AMN1: variants seen among roughly 807,000 people sequenced by gnomAD.
AMN1 encodes antagonist of mitotic exit network 1 homolog, also known as protein AMN1 homolog.
In AMN1, 20 loss-of-function variants were observed where a neutral mutation model predicts 33.0. That is an observed-to-expected ratio of 0.61 (90% CI 0.43 to 0.88). The LOEUF is 0.88. AMN1 is among the 40% of genes least tolerant of loss of function. AMN1 has a pLI of 0.00. For missense variants in AMN1, 246 were observed against 307.4 expected, an observed-to-expected ratio of 0.80 and a Z score of 1.49; for synonymous variants, 114 against 111.9, an observed-to-expected ratio of 1.02 and a Z score of -0.12.
chr12:31,683,103 C>T lies in AMN1; in HGVS notation c.703+5904G>A, dbSNP rs1239781037. On this transcript the variant is annotated intron_variant, in intron 6 of 6. Transcript: ENST00000281471. This position sits in a 1 kb window ranked among gnomAD's most constrained non-coding sequence, Gnocchi z 4.1. ...TCAGCCATCAGAGTAGCTGGGATTA[C>T]AGGCGTGCGCCACCATGCCCAGCTA... 6.6e-6 allele frequency among the ~76,000 whole-genome samples: 1 copy of T among 151,938 alleles called. No individual in the cohort carries two copies. The highest frequency in any genetic ancestry group is 1.9e-4 in the East Asian group (1 of 5,174).
At chr12:31,705,086 C>T (rs1250835179) in intron 2 of AMN1, among the ~76,000 whole-genome samples, 1 of 152,058 alleles carries the variant, frequency 6.6e-6, no homozygotes, top group Non-Finnish European at 1.5e-5. Flanking sequence ...TGTTCAAATG[C>T]AAGCTAACAT....
intron 6 of AMN1, among the ~76,000 whole-genome samples, chr12:31,674,960 T>G (rs549586567): frequency 6.6e-6 from 1 of 151,156 alleles, no homozygotes; most frequent in Admixed American, 6.6e-5. Context: ...AGGCAGAGAT[T>G]GCAGTGAGCT....
At chr12:31,729,155 C>T (rs544824735), upstream of AMN1, 2 of 860,528 alleles carry the variant, frequency 2.3e-6, no homozygotes, top group Admixed American at 5.7e-5. Context: ...GGCCACGCTT[C>T]GGACTCCACA....
At chr12:31,699,162 G>A (rs530096690) in intron 3 of AMN1, among the ~76,000 whole-genome samples, 1 of 151,836 alleles carries the variant, frequency 6.6e-6, no homozygotes, top group Non-Finnish European at 1.5e-5. Flanking sequence ...AGGCCGAGGC[G>A]GGCAGATTAC....
intron 2 of AMN1, among the ~76,000 whole-genome samples, chr12:31,703,591 C>T (rs918055552): frequency 1.3e-5 from 2 of 152,132 alleles, no homozygotes; most frequent in East Asian, 1.9e-4. Context: ...AGGATAACGG[C>T]CTCCAGCTGC....
chr12:31,673,634 T>G (rs1951327633), intron 6 of AMN1: 1 of 440,608 alleles, frequency 2.3e-6, no homozygotes, highest in Admixed American at 2.5e-5. Context: ...GAGGCCAGTG[T>G]TACCCTGATA....
intron 3 of AMN1, among the ~76,000 whole-genome samples, chr12:31,698,942 G>A (rs1219343112): frequency 6.6e-6 from 1 of 152,062 alleles, no homozygotes; most frequent in East Asian, 1.9e-4. Context: ...AAGCTAATGA[G>A]GTGACAGCAT....
chr12:31,697,541 C>A, intron 4 of AMN1, 124 bp from the exon 5 acceptor site: 1 of 1,073,616 alleles, frequency 9.3e-7, no homozygotes, highest in South Asian at 1.4e-5. Context: ...GTGTTTTAGC[C>A]ATATATACCT....
At chr12:31,726,793 G>A (rs1351866982) in intron 1 of AMN1, among the ~76,000 whole-genome samples, 1 of 152,152 alleles carries the variant, frequency 6.6e-6, no homozygotes, top group Non-Finnish European at 1.5e-5. Flanking sequence ...GGCAAATATG[G>A]ACCTTTACCT....
At chr12:31,707,412 T>C (rs572146611) in intron 2 of AMN1, among the ~76,000 whole-genome samples, 1 of 152,298 alleles carries the variant, frequency 6.6e-6, no homozygotes, top group Non-Finnish European at 1.5e-5. Flanking sequence ...ACCATTTTGT[T>C]CCTGAATGTC....
intron 2 of AMN1, 100 bp downstream of exon 2, chr12:31,709,193 A>G (rs1939370843): frequency 7.2e-7 from 1 of 1,384,768 alleles, no homozygotes; most frequent in African/African-American, 1.5e-5. Context: ...AAAATTAAAA[A>G]TGATTACCAG....
intron 5 of AMN1, among the ~76,000 whole-genome samples, chr12:31,695,487 C>CTTTCTTTTT (rs59342673): frequency 4.6e-5 from 6 of 130,694 alleles, no homozygotes; most frequent in Non-Finnish European, 9.4e-5. Context: ...TTCTTTCTTT[C>CTTTCTTTTT]TTTTTTTTTT....
Position 31,709,102 on chromosome 12 carries a change from G to A in AMN1, c.171+191C>T, listed in dbSNP as rs770094749. Reference sequence around the variant, plus strand: ...CTGAAGAGGGATCACCTAAGTCCAGGCAGCGGAGGTTGCAGTGAGCTGAGA... The same window carrying A: ...CTGAAGAGGGATCACCTAAGTCCAGACAGCGGAGGTTGCAGTGAGCTGAGA... On this transcript the variant is annotated intron_variant, in intron 2 of 6. Transcript: ENST00000281471. 7 of 660,444 alleles carry A rather than the reference G, an allele frequency of 1.1e-5. No homozygotes were observed. The African/African-American group carries it at 1.1e-4, about 10-fold the overall frequency. The allele number at this position is 660,444 out of a possible 1,614,324, so 40.9% of individuals were successfully genotyped here. A position where few individuals can be genotyped will look rare whatever the true frequency, so the allele number is the denominator to read the frequency against.
intron 2 of AMN1, among the ~76,000 whole-genome samples, chr12:31,706,665 G>C (rs1282778069): frequency 6.6e-6 from 1 of 152,114 alleles, no homozygotes; most frequent in South Asian, 2.1e-4. Flanking sequence ...CTAATCTCAC[G>C]GGCTGTTTAG....
At chr12:31,691,132 C>A (rs550032312) in intron 5 of AMN1, among the ~76,000 whole-genome samples, 6 of 79,744 alleles carry the variant, frequency 7.5e-5, no homozygotes, top group African/African-American at 1.5e-4. Context: ...AGCAAGACTC[C>A]GTCTCAAAAA....
At chr12:31,722,132 C>G (rs1482862835) in intron 1 of AMN1, among the ~76,000 whole-genome samples, 1 of 16,502 alleles carries the variant, frequency 6.1e-5, no homozygotes, top group Non-Finnish European at 1.3e-4. Flanking sequence ...AGGCCTTTGA[C>G]ACACACACAC....
intron 1 of AMN1, among the ~76,000 whole-genome samples, chr12:31,720,388 A>G (rs772718734): frequency 2.0e-5 from 3 of 152,058 alleles, no homozygotes; most frequent in Non-Finnish European, 2.9e-5. Flanking sequence ...CAAAAATACA[A>G]AATTAGCCGG....
intron 6 of AMN1, among the ~76,000 whole-genome samples, chr12:31,682,985 C>T: frequency 7.8e-6 from 1 of 128,598 alleles, no homozygotes; most frequent in Non-Finnish European, 1.6e-5. Context: ...TTTTTTGAGA[C>T]AGTGTCTCAC....
intron 5 of AMN1, among the ~76,000 whole-genome samples, chr12:31,691,042 G>A (rs1429060645): frequency 1.3e-5 from 2 of 151,816 alleles, no homozygotes; most frequent in Non-Finnish European, 2.9e-5. Context: ...GGAGGCTGAG[G>A]CAGGAGAATC....
Sources: allele counts gnomAD v4.1 joint callset (sites outside exome capture counted in the v4.1 genomes callset), GRCh38; gene constraint gnomAD v4.1.1; non-coding constraint Gnocchi (gnomAD v3.1); transcripts MANE v1.5; gene names NCBI Gene and HGNC (gene_info 2026-07-23, HGNC 2026-07-21).